KLF13: variants seen among roughly 807,000 people sequenced by gnomAD.
The protein encoded by KLF13 is KLF transcription factor 13, also known as Krueppel-like factor 13.
In KLF13, 8 loss-of-function variants were observed where a neutral mutation model predicts 16.7. That is an observed-to-expected ratio of 0.48 (90% CI 0.28 to 0.87). The LOEUF is 0.87. Ranked by LOEUF, KLF13 falls within the 40% of genes least tolerant of loss-of-function variation. The pLI is 0.10. For synonymous variants in KLF13, 245 were observed against 208.4 expected, an observed-to-expected ratio of 1.18 and a Z score of -1.51; for missense variants, 447 against 452.2, an observed-to-expected ratio of 0.99 and a Z score of 0.10.
At chr15:31,398,455 G>A (rs2039986666) in intron 2 of KLF13, among the ~76,000 whole-genome samples, 1 of 152,086 alleles carries the variant, frequency 6.6e-6, no homozygotes, top group African/African-American at 2.4e-5. Context: ...AGCCAACTTG[G>A]CCCTGGGGCC....
downstream of KLF13, among the ~76,000 whole-genome samples, chr15:31,409,143 G>C (rs1189055071): frequency 6.6e-6 from 1 of 152,062 alleles, no homozygotes; most frequent in Non-Finnish European, 1.5e-5. Flanking sequence ...AAATTTGCCA[G>C]GGGTGATGGT....
intron 1 of KLF13, among the ~76,000 whole-genome samples, chr15:31,422,116 A>G (rs972186127): frequency 8.0e-6 from 1 of 124,496 alleles, no homozygotes; most frequent in Non-Finnish European, 1.7e-5. Flanking sequence ...CTCCATCTCA[A>G]AAACAAACAA....
chr15:31,368,714 C>T (rs1030363640), intron 1 of KLF13, among the ~76,000 whole-genome samples: 2 of 152,106 alleles, frequency 1.3e-5, no homozygotes, highest in African/African-American at 2.4e-5. Flanking sequence ...ACTAGCCGAG[C>T]GTGGGTAGGC....
At chr15:31,388,148 T>C (rs2039814722), upstream of KLF13, among the ~76,000 whole-genome samples, 1 of 152,204 alleles carries the variant, frequency 6.6e-6, no homozygotes, top group East Asian at 1.9e-4. Flanking sequence ...TGGGTGGTTA[T>C]TATTCTTCTC....
At chr15:31,413,185 G>GAAAAAA (rs1243053850) in intron 1 of KLF13, among the ~76,000 whole-genome samples, 1 of 32,952 alleles carries the variant, frequency 3.0e-5, no homozygotes, top group Admixed American at 3.0e-4. Context: ...AAAATGAATA[G>GAAAAAA]ACAAAAAAAA....
chr15:31,412,515 TAGGATACA>T (rs2040207512), intron 1 of KLF13, among the ~76,000 whole-genome samples: 1 of 152,026 alleles, frequency 6.6e-6, no homozygotes, highest in South Asian at 2.1e-4. Context: ...AGAGTTTAGC[TAGGATACA>T]AGGATACAAG....
chr15:31,343,744 C>T (rs914520357), intron 1 of KLF13, among the ~76,000 whole-genome samples: 9 of 152,206 alleles, frequency 5.9e-5, no homozygotes, highest in Non-Finnish European at 1.0e-4. Flanking sequence ...GCACAGCCCT[C>T]GGGCCAGGCT....
chr15:31,388,102 G>C (rs1374153452), upstream of KLF13, among the ~76,000 whole-genome samples: 4 of 152,232 alleles, frequency 2.6e-5, no homozygotes, highest in Admixed American at 2.0e-4. Flanking sequence ...GAAGTCATCT[G>C]TCCTGGTACC....
chr15:31,362,080 A>G (rs4779868), intron 1 of KLF13, among the ~76,000 whole-genome samples: 64,395 of 151,948 alleles, frequency 0.42, 14,632 homozygotes, highest in East Asian at 0.56. Flanking sequence ...CACCTGGGCT[A>G]ATTTTCAGCC....
chr15:31,334,647 C>T (rs1038029991), intron 1 of KLF13, among the ~76,000 whole-genome samples: 1 of 152,124 alleles, frequency 6.6e-6, no homozygotes, highest in Non-Finnish European at 1.5e-5. Flanking sequence ...AGGCTGGTTT[C>T]GAACTCCTGA....
At chr15:31,427,665 G>A (rs899631474) in intron 1 of KLF13, among the ~76,000 whole-genome samples, 1 of 152,178 alleles carries the variant, frequency 6.6e-6, no homozygotes, top group Non-Finnish European at 1.5e-5. Context: ...CCAAGATTGG[G>A]TAATTTATAA....
intron 1 of KLF13, among the ~76,000 whole-genome samples, chr15:31,332,280 C>T (rs768979962): frequency 5.3e-5 from 8 of 152,240 alleles, no homozygotes; most frequent in Non-Finnish European, 1.0e-4. Context: ...TGTGTCACGA[C>T]TCCACCTTCT....
At chr15:31,360,933 G>A (rs1452104371) in intron 1 of KLF13, among the ~76,000 whole-genome samples, 2 of 152,216 alleles carry the variant, frequency 1.3e-5, no homozygotes, top group Non-Finnish European at 2.9e-5. Flanking sequence ...GGGCCTGGAA[G>A]AGGAGCCTGC....
chr15:31,376,792 G>A lies in KLF13; in HGVS notation c.*4493G>A, dbSNP rs891813984. The A allele has an allele frequency of 6.6e-6, 1 of 152,660 alleles. No individual in the cohort carries two copies. The highest frequency in any genetic ancestry group is 2.4e-5 in the African/African-American group (1 of 41,452). The allele number at this position is 152,660 out of a possible 1,614,324, so 9.5% of individuals were successfully genotyped here. A position where few individuals can be genotyped will look rare whatever the true frequency, so the allele number is the denominator to read the frequency against. On this transcript the variant is annotated 3_prime_UTR_variant, in exon 2 of 2. Coordinates refer to ENST00000307145, the MANE Select transcript of KLF13 (RefSeq NM_015995.4). ...CGGTGTCCATGAGGGAAGAGGGGTC[G>A]CGCTTGGTTTCTACTGACCCCCATG...
intron 1 of KLF13, among the ~76,000 whole-genome samples, chr15:31,335,435 A>G (rs28492026): frequency 0.15 from 5,290 of 34,784 alleles, 497 homozygotes; most frequent in Non-Finnish European, 0.24. Context: ...GTGTGTGTGT[A>G]TGTGTGTGTG....
intron 1 of KLF13, among the ~76,000 whole-genome samples, chr15:31,418,747 C>T (rs2040286325): frequency 6.6e-6 from 1 of 152,082 alleles, no homozygotes; most frequent in Admixed American, 6.6e-5. Context: ...GCTTTCCTAG[C>T]AGGATTTATG....
intron 1 of KLF13, among the ~76,000 whole-genome samples, chr15:31,332,966 A>T (rs184505631): frequency 6.6e-6 from 1 of 151,946 alleles, no homozygotes; most frequent in Non-Finnish European, 1.5e-5. Flanking sequence ...AATAATGAAC[A>T]CTCTAGCAGG....
At chr15:31,363,021 A>C (rs901772502) in intron 1 of KLF13, among the ~76,000 whole-genome samples, 4 of 152,234 alleles carry the variant, frequency 2.6e-5, no homozygotes, top group African/African-American at 9.6e-5. Flanking sequence ...TAGGTGTGCA[A>C]ATGCGTTTGT....
At chr15:31,389,441 T>C (rs1444488417), upstream of KLF13, among the ~76,000 whole-genome samples, 3 of 152,218 alleles carry the variant, frequency 2.0e-5, no homozygotes, top group Non-Finnish European at 4.4e-5. Flanking sequence ...CCAACCCCTA[T>C]GTTGTTCAAG....
Sources: gnomAD v4.1 joint callset for allele counts (sites outside exome capture counted in the v4.1 genomes callset) on GRCh38, gnomAD v4.1.1 for gene constraint, MANE v1.5 for transcripts, NCBI Gene and HGNC (gene_info 2026-07-23, HGNC 2026-07-21) for gene names.